The following RYR3 variants were observed in gnomAD, a reference collection of about 807,000 sequenced individuals.
RYR3 encodes the protein brain ryanodine receptor-calcium release channel.
RYR3 carries 207 observed loss-of-function variants against 584.3 expected under a neutral mutation model. That is an observed-to-expected ratio of 0.35 (90% CI 0.32 to 0.40). The LOEUF (loss-of-function observed/expected upper bound fraction) is 0.40. Ranked by LOEUF, RYR3 falls within the 10% of genes least tolerant of loss-of-function variation. The pLI is 1.00. For synonymous variants in RYR3, 2,416 were observed against 2,248.5 expected (o/e 1.07, Z -2.11); for missense variants, 5,616 against 6,089.2 (o/e 0.92, Z 2.59).
At chr15:33,751,629 A>G (rs1596431395) in intron 57 of RYR3, among the ~76,000 whole-genome samples, 2 of 150,546 alleles carry the variant, frequency 1.3e-5, no homozygotes. Flanking sequence ...TCTGGATATT[A>G]GCCCTTTGTC....
At chr15:33,700,049 A>G (rs1178087204) in intron 41 of RYR3, among the ~76,000 whole-genome samples, 4 of 152,244 alleles carry the variant, frequency 2.6e-5, no homozygotes, top group Non-Finnish European at 4.4e-5. Flanking sequence ...AAGATTGGTG[A>G]CAGTTTAGTG....
At chr15:33,840,729 A>C in intron 89 of RYR3, 96 bp from the exon 90 acceptor site, 1 of 1,074,662 alleles carries the variant, frequency 9.3e-7, no homozygotes, top group Non-Finnish European at 1.4e-6. Context: ...AAAGCCATTG[A>C]AATTTGTGAC....
At chr15:33,845,204 T>G in intron 93 of RYR3, 142 bp downstream of exon 93, 2 of 735,610 alleles carry the variant, frequency 2.7e-6, no homozygotes, top group Non-Finnish European at 4.5e-6. Flanking sequence ...GCACATCACT[T>G]GGGAGCTGCC....
chr15:33,516,421 G>A (rs972442616), intron 3 of RYR3, among the ~76,000 whole-genome samples: 2 of 150,874 alleles, frequency 1.3e-5, no homozygotes, highest in African/African-American at 2.4e-5. Flanking sequence ...TCTGCTCACT[G>A]CAACCTCTGC....
intron 43 of RYR3, among the ~76,000 whole-genome samples, chr15:33,709,525 G>A (rs1235230428): frequency 2.0e-5 from 3 of 152,194 alleles, no homozygotes; most frequent in Non-Finnish European, 2.9e-5. Context: ...GGCCTAATTG[G>A]AGGTGTTAGG....
At chr15:33,560,451 AT>A (rs3838862) in intron 10 of RYR3, among the ~76,000 whole-genome samples, 59 of 150,940 alleles carry the variant, frequency 3.9e-4, no homozygotes, top group African/African-American at 1.2e-3. Context: ...AGATCTTTGT[AT>A]TTTTTTTTTG....
chr15:33,572,141 C>T (rs575756509), intron 12 of RYR3, among the ~76,000 whole-genome samples: 1 of 152,224 alleles, frequency 6.6e-6, no homozygotes, highest in African/African-American at 2.4e-5. Flanking sequence ...GTTATAAGCT[C>T]AGCAACGCAG....
intron 16 of RYR3, among the ~76,000 whole-genome samples, chr15:33,587,108 G>A (rs72709272): frequency 0.24 from 36,331 of 152,118 alleles, 5,627 homozygotes; most frequent in Non-Finnish European, 0.35. Flanking sequence ...TCAGCCGTGG[G>A]CAGCAGAAAG....
rs77008996 is a variant in RYR3, at chr15:33,855,201, G to A, written c.14007+289G>A. On this transcript the variant is annotated intron_variant, in intron 98 of 103. Coordinates refer to ENST00000634891, the MANE Select transcript of RYR3 (RefSeq NM_001036.6). ...ATGGACATGTCAGAATGACCTTGGA[G>A]ATCTTTTTTTTTTTGTGACGGTGTC... 8.8e-3 allele frequency among the ~76,000 whole-genome samples: 1,318 copies of A among 148,966 alleles called. 9 individuals carry two copies. The highest frequency in any genetic ancestry group is 0.027 in the Middle Eastern group (8 of 292).
At chr15:33,333,403 AT>A (rs1272416194) in intron 1 of RYR3, among the ~76,000 whole-genome samples, 1 of 152,232 alleles carries the variant, frequency 6.6e-6, no homozygotes, top group Non-Finnish European at 1.5e-5. Flanking sequence ...ATGCAAATCA[AT>A]AAATGTGATT....
At chr15:33,589,359 G>A (rs935589934) in intron 16 of RYR3, among the ~76,000 whole-genome samples, 1 of 152,158 alleles carries the variant, frequency 6.6e-6, no homozygotes, top group Non-Finnish European at 1.5e-5. Flanking sequence ...CTGGGTATTA[G>A]TCCTTTGTTG....
At chr15:33,531,632 C>CATAT (rs748488682) in intron 4 of RYR3, among the ~76,000 whole-genome samples, 1 of 128,392 alleles carries the variant, frequency 7.8e-6, no homozygotes. Context: ...TTTGCTGCAG[C>CATAT]ATATATATAT....
At chr15:33,544,010 T>G (rs1182591763) in intron 8 of RYR3, among the ~76,000 whole-genome samples, 1 of 152,170 alleles carries the variant, frequency 6.6e-6, no homozygotes, top group South Asian at 2.1e-4. Context: ...AGACAGATCA[T>G]CTCTATTTCC....
chr15:33,591,254 G>T (rs779523572), intron 16 of RYR3, among the ~76,000 whole-genome samples: 1 of 152,150 alleles, frequency 6.6e-6, no homozygotes, highest in Non-Finnish European at 1.5e-5. Context: ...TCTGATTCCA[G>T]TTGGAATTGG....
intron 1 of RYR3, among the ~76,000 whole-genome samples, chr15:33,328,923 C>A (rs950399524): frequency 6.6e-6 from 1 of 152,132 alleles, no homozygotes; most frequent in African/African-American, 2.4e-5. Context: ...TCTCCTTCTT[C>A]ATTTCTTGCT....
chr15:33,703,414 G>T (rs768325345), intron 42 of RYR3, among the ~76,000 whole-genome samples: 1 of 152,184 alleles, frequency 6.6e-6, no homozygotes, highest in Non-Finnish European at 1.5e-5. Flanking sequence ...CGAGGTGTGC[G>T]CAGGTTTGGT....
chr15:33,659,596 T>C (rs565784003), intron 32 of RYR3, 124 bp from the exon 33 acceptor site: 1 of 675,140 alleles, frequency 1.5e-6, no homozygotes, highest in African/African-American at 1.8e-5. Flanking sequence ...TTCTGAGCAG[T>C]GGAGAATGAC....
Position 33,848,286 on chromosome 15 carries a change from C to T in RYR3, c.13498-5C>T, listed in dbSNP as rs1053401897. 1.2e-6 allele frequency: 2 copies of T among 1,613,412 alleles called. No individual in the cohort carries two copies. Among genetic ancestry groups the T allele is most frequent in the African/African-American group, 1.3e-5 (1 of 75,036 alleles). On this transcript the variant is annotated splice_polypyrimidine_tract_variant and splice_region_variant and intron_variant, in intron 93 of 103. Transcript: ENST00000634891. ...TCTGAGTAACCATCCTCCTCCCACT[C>T]CTAGGTGCCTTTGGTGGTTTTCAAA...
intron 16 of RYR3, among the ~76,000 whole-genome samples, chr15:33,596,503 G>C (rs1224958988): frequency 1.4e-5 from 2 of 145,370 alleles, no homozygotes; most frequent in South Asian, 2.2e-4. Flanking sequence ...TTTGGGGGGG[G>C]GGGATTTCTG....
Sources: allele counts gnomAD v4.1 joint callset (sites outside exome capture counted in the v4.1 genomes callset), GRCh38; gene constraint gnomAD v4.1.1; transcripts MANE v1.5; gene names NCBI Gene and HGNC (gene_info 2026-07-23, HGNC 2026-07-21).